Variants in CERKL observed in about 807,000 individuals in gnomAD.
CERKL encodes ceramide kinase-like protein.
In CERKL, 61 loss-of-function variants were observed where a neutral mutation model predicts 63.4. The ratio of observed to expected loss-of-function variants is 0.96; its 90% CI spans 0.78 to 1.19. The LOEUF is 1.19. CERKL is among the 50% of genes most tolerant of loss of function. CERKL has a pLI of 0.00. For missense variants in CERKL, 675 were observed against 655.5 expected (o/e 1.03, Z -0.33); for synonymous variants, 250 against 230.5 (o/e 1.08, Z -0.77).
intron 1 of CERKL, among the ~76,000 whole-genome samples, chr2:181,626,803 A>G (rs558318623): frequency 6.6e-6 from 1 of 152,376 alleles, no homozygotes; most frequent in South Asian, 2.1e-4. Context: ...CAGAGAGGTC[A>G]TCTTCTGATT....
intron 2 of CERKL, among the ~76,000 whole-genome samples, chr2:181,583,683 G>A (rs12105941): frequency 0.35 from 52,904 of 152,010 alleles, 9,861 homozygotes; most frequent in African/African-American, 0.47. Flanking sequence ...CTAGTAATCA[G>A]AGCTCTCCTA....
rs971842447 is a variant in CERKL at position 181,548,565 on chromosome 2, G to A, written c.1113C>T (p.Ser371=). 6.2e-7 allele frequency: 1 copy of A among 1,611,870 alleles called. No individual in the cohort carries two copies. The highest frequency in any genetic ancestry group is 8.5e-7 in the Non-Finnish European group (1 of 1,178,332). ...CCTACCTTTCTTGCACATCATCAGA[G>A]CTGTTAAATGGTAAAAATGATATTT... is the stretch of plus-strand genomic sequence containing the variant. The part of the protein sequence containing the change: ...DCEISFLPFN[S]SDDVQERRAQ... Residue 371 remains serine (S), a synonymous_variant, in exon 8 of 13, where the codon AGC becomes AGT. Coordinates refer to ENST00000410087, the MANE Select transcript of CERKL (RefSeq NM_201548.5).
At chr2:181,563,961 T>C (rs1169970930) in intron 4 of CERKL, among the ~76,000 whole-genome samples, 1 of 152,126 alleles carries the variant, frequency 6.6e-6, no homozygotes, top group Non-Finnish European at 1.5e-5. Context: ...TGTGGGAAGA[T>C]AATTTTTCCA....
intron 2 of CERKL, among the ~76,000 whole-genome samples, chr2:181,598,326 C>T (rs1416284276): frequency 6.6e-6 from 1 of 152,128 alleles, no homozygotes; most frequent in Non-Finnish European, 1.5e-5. Context: ...TATGCATAAC[C>T]TACAGACAGA....
In CERKL at chr2:181,598,529, A is replaced by G. The variant is rs551034769; in HGVS notation, c.481+5308T>C. ...CTCTTCCTGTCACTCCCCTGTCAGG[A>G]CAGGTGCTTCTACTGGACATCAGCC... is the stretch of plus-strand genomic sequence containing the variant. On this transcript the variant is annotated intron_variant, in intron 2 of 12. Transcript: ENST00000410087. Among the ~76,000 whole-genome samples the G allele has an allele frequency of 3.9e-5, 6 of 152,040 alleles. No homozygotes were observed. In the South Asian group the frequency reaches 1.2e-3, roughly 32 times the overall value.
chr2:181,635,926 A>C (rs895536716), intron 1 of CERKL, among the ~76,000 whole-genome samples: 5 of 152,196 alleles, frequency 3.3e-5, no homozygotes, highest in Non-Finnish European at 7.3e-5. Flanking sequence ...ACTAACATCT[A>C]ATGAATAATG....
chr2:181,576,621 G>A (rs761935726), intron 2 of CERKL, among the ~76,000 whole-genome samples: 10 of 152,186 alleles, frequency 6.6e-5, no homozygotes, highest in Non-Finnish European at 1.0e-4. Flanking sequence ...TATAACCTTA[G>A]GTGTTGAAAG....
chr2:181,649,834 A>C (rs1268281081), intron 1 of CERKL: 1 of 152,258 alleles, frequency 6.6e-6, no homozygotes. Flanking sequence ...ATTTGAGAAC[A>C]GCCTGGGCAA....
chr2:181,560,878 G>A (rs1014237349), intron 4 of CERKL, among the ~76,000 whole-genome samples: 40 of 152,248 alleles, frequency 2.6e-4, no homozygotes, highest in African/African-American at 8.2e-4. Flanking sequence ...ATTTATTTAT[G>A]TTAACAACTA....
chr2:181,539,829 T>C (rs780109626), intron 11 of CERKL, among the ~76,000 whole-genome samples: 3 of 152,182 alleles, frequency 2.0e-5, no homozygotes, highest in Admixed American at 2.0e-4. Flanking sequence ...CTTACCACTA[T>C]AGAATGGTGC....
chr2:181,557,632 G>A (rs902844411), intron 5 of CERKL, among the ~76,000 whole-genome samples: 3 of 152,088 alleles, frequency 2.0e-5, no homozygotes, highest in South Asian at 4.1e-4. Context: ...TCCACACGGT[G>A]AGGCAAAATG....
intron 3 of CERKL, among the ~76,000 whole-genome samples, chr2:181,571,109 T>C (rs1688883587): frequency 6.6e-6 from 1 of 152,160 alleles, no homozygotes; most frequent in African/African-American, 2.4e-5. Context: ...ACTACAAAAA[T>C]AACACTGTAA....
chr2:181,619,006 C>T (rs1421875961), intron 1 of CERKL, among the ~76,000 whole-genome samples: 2 of 152,192 alleles, frequency 1.3e-5, no homozygotes, highest in African/African-American at 4.8e-5. Context: ...ATCTATGCAA[C>T]AAGTTCCTAC....
chr2:181,541,832 T>C (rs138436808), intron 11 of CERKL, among the ~76,000 whole-genome samples: 17 of 152,290 alleles, frequency 1.1e-4, no homozygotes, highest in Admixed American at 5.2e-4. Context: ...AGTGGTGCCA[T>C]TGACCCGCAC....
chr2:181,624,894 G>C (rs1198818883), intron 1 of CERKL, among the ~76,000 whole-genome samples: 2 of 152,300 alleles, frequency 1.3e-5, no homozygotes, highest in East Asian at 3.9e-4. Context: ...ATAAGTTTGA[G>C]AAGTTTATTA....
At chr2:181,598,854 T>C (rs1194012827) in intron 2 of CERKL, among the ~76,000 whole-genome samples, 1 of 148,486 alleles carries the variant, frequency 6.7e-6, no homozygotes, top group Non-Finnish European at 1.5e-5. Flanking sequence ...ACATACACCA[T>C]AGTCATACCC....
rs770589212 is a variant in CERKL, at chr2:181,573,918, T to C, written c.482-34A>G. ...AAATTTTAAAGACAAAGTTGTAAAG[T>C]CCTTGTCATCATTTTTTTTCTTTCC... is the stretch of plus-strand genomic sequence containing the variant. On this transcript the variant is annotated intron_variant, in intron 2 of 12. Transcript: ENST00000410087. 3.1e-6 allele frequency: 5 copies of C among 1,603,396 alleles called. No homozygotes were observed. In the South Asian group the frequency reaches 5.6e-5, roughly 18 times the overall value.
chr2:181,579,213 A>C (rs534981031), intron 2 of CERKL, among the ~76,000 whole-genome samples: 2 of 152,050 alleles, frequency 1.3e-5, no homozygotes, highest in African/African-American at 4.8e-5. Context: ...CAAAGTATTC[A>C]GTAAATTTTT....
intron 3 of CERKL, among the ~76,000 whole-genome samples, chr2:181,572,189 C>T (rs1688932824): frequency 6.6e-6 from 1 of 152,026 alleles, no homozygotes; most frequent in South Asian, 2.1e-4. Flanking sequence ...TTGTCTGCCT[C>T]TTAAAAACTG....
Sources: allele counts gnomAD v4.1 joint callset (sites outside exome capture counted in the v4.1 genomes callset), GRCh38; gene constraint gnomAD v4.1.1; transcripts MANE v1.5; gene names NCBI Gene and HGNC (gene_info 2026-07-23, HGNC 2026-07-21).